Variants in SMAD2 observed in about 807,000 individuals in gnomAD.
The protein encoded by SMAD2 is SMAD family member 2.
Under a neutral mutation model 64.4 loss-of-function variants are expected in SMAD2, and 8 were observed. That is an observed-to-expected ratio of 0.12 (90% CI 0.07 to 0.22). The LOEUF (loss-of-function observed/expected upper bound fraction) is 0.22, where lower values mean the gene tolerates loss of function less well. Ranked by LOEUF, SMAD2 falls within the 10% of genes least tolerant of loss-of-function variation. The pLI, the probability that SMAD2 is intolerant of heterozygous loss-of-function variation, is 1.00. For synonymous variants in SMAD2, 203 were observed against 195.8 expected (o/e 1.04, Z -0.31); for missense variants, 289 against 561.2 (o/e 0.51, Z 4.90).
intron 1 of SMAD2, among the ~76,000 whole-genome samples, chr18:47,909,587 T>G (rs1463563956): frequency 6.6e-6 from 1 of 152,168 alleles, no homozygotes; most frequent in Non-Finnish European, 1.5e-5. Flanking sequence ...AACTCTACTG[T>G]TTTGTGCAAA....
intron 2 of SMAD2, among the ~76,000 whole-genome samples, chr18:47,890,366 T>C (rs1195284745): frequency 6.6e-6 from 1 of 152,214 alleles, no homozygotes; most frequent in African/African-American, 2.4e-5. Flanking sequence ...TAAACTAAAT[T>C]ATACATCATG....
intron 1 of SMAD2, among the ~76,000 whole-genome samples, chr18:47,921,801 G>A (rs1393947429): frequency 1.3e-5 from 2 of 152,078 alleles, no homozygotes; most frequent in Non-Finnish European, 2.9e-5. Flanking sequence ...TCTAGTACCT[G>A]GGCACTTTCT....
chr18:47,829,243 C>A lies in SMAD2; in HGVS notation c.*12584G>T, dbSNP rs1912894618. ...ATAGAATACAACAAAGCTCCCTTAC[C>A]CAATCCCAACAAACAACCATCAATG... On this transcript the variant is annotated 3_prime_UTR_variant, in exon 11 of 11. Coordinates refer to ENST00000262160, the MANE Select transcript of SMAD2 (RefSeq NM_005901.6). 6.6e-6 allele frequency: 1 copy of A among 152,132 alleles called. No homozygotes were observed. The highest frequency in any genetic ancestry group is 6.5e-5 in the Admixed American group (1 of 15,280). 9.4% of individuals were successfully genotyped at this position (152,132 alleles called of 1,614,324 possible). A position where few individuals can be genotyped will look rare whatever the true frequency, so the allele number is the denominator to read the frequency against.
At chr18:47,843,717 G>T (rs955895766) in intron 10 of SMAD2, among the ~76,000 whole-genome samples, 4 of 152,140 alleles carry the variant, frequency 2.6e-5, no homozygotes, top group Non-Finnish European at 4.4e-5. Context: ...ATTTTCCAAA[G>T]TCAGATGTAC....
At chr18:47,927,404 A>C (rs2034807884) in intron 1 of SMAD2, among the ~76,000 whole-genome samples, 1 of 152,202 alleles carries the variant, frequency 6.6e-6, no homozygotes, top group Non-Finnish European at 1.5e-5. Flanking sequence ...TCAGTAATGC[A>C]TGTGCCCTTG....
intron 2 of SMAD2, among the ~76,000 whole-genome samples, chr18:47,875,853 A>T (rs2032233558): frequency 6.6e-6 from 1 of 152,118 alleles, no homozygotes; most frequent in Admixed American, 6.6e-5. Flanking sequence ...CAAGTTATGT[A>T]AAAATAGTAT....
chr18:47,880,204 A>G (rs1036684256), intron 2 of SMAD2, among the ~76,000 whole-genome samples: 13 of 152,218 alleles, frequency 8.5e-5, no homozygotes, highest in Non-Finnish European at 1.8e-4. Context: ...ATATACTTTG[A>G]ACAATTCTCT....
At chr18:47,920,979 A>AC (rs1354547223) in intron 1 of SMAD2, among the ~76,000 whole-genome samples, 1 of 152,140 alleles carries the variant, frequency 6.6e-6, no homozygotes, top group African/African-American at 2.4e-5. Flanking sequence ...ACATGGCGAA[A>AC]CCCCACCTCT....
At chr18:47,907,385 A>C (rs2033947544) in intron 1 of SMAD2, among the ~76,000 whole-genome samples, 1 of 152,198 alleles carries the variant, frequency 6.6e-6, no homozygotes, top group South Asian at 2.1e-4. Context: ...AGTCTCAAAA[A>C]CATGCTGGGC....
At position 47,851,147 on chromosome 18, in the gene SMAD2, A is replaced by C. The variant is rs898673835; in HGVS notation, c.784+127T>G. 3 of 698,888 alleles carry C rather than the reference A, an allele frequency of 4.3e-6. No individual in the cohort carries two copies. The African/African-American group carries it at 5.4e-5, about 13-fold the overall frequency. 43.3% of individuals were successfully genotyped at this position (698,888 alleles called of 1,614,324 possible). ...AAAAAGCACTACTTTAACCACATAC[A>C]TAATTATTTGGCTATTCATTAGGAT... On this transcript the variant is annotated intron_variant, in intron 7 of 10. Transcript: ENST00000262160.
At chr18:47,919,388 G>A (rs1240459188) in intron 1 of SMAD2, among the ~76,000 whole-genome samples, 7 of 151,574 alleles carry the variant, frequency 4.6e-5, no homozygotes, top group Non-Finnish European at 8.8e-5. Context: ...GAACCCAGGA[G>A]TGCAAGGCTG....
Position 47,819,312 on chromosome 18 carries a change from G to GT in SMAD2, c.*22514dup, listed in dbSNP as rs1445446040. On this transcript the variant is annotated 3_prime_UTR_variant, in exon 11 of 11. Transcript: ENST00000262160. ...AAAACAGAATGATCTTTGTATAACT[G>GT]TAAGTTGAACTAATTTTGTATTATT... 6.6e-6 allele frequency: 1 copy of GT among 152,148 alleles called. No homozygotes were observed. The highest frequency in any genetic ancestry group is 1.5e-5 in the Non-Finnish European group (1 of 68,034). The allele number at this position is 152,148 out of a possible 1,614,324, so 9.4% of individuals were successfully genotyped here.
At position 47,811,483 on chromosome 18, in the gene SMAD2, A is replaced by G. The variant is rs1012876791; in HGVS notation, c.*30344T>C. 6.6e-6 allele frequency: 1 copy of G among 151,852 alleles called. No individual in the cohort carries two copies. The allele number at this position is 151,852 out of a possible 1,614,324, so 9.4% of individuals were successfully genotyped here. On this transcript the variant is annotated 3_prime_UTR_variant, in exon 11 of 11. Transcript: ENST00000262160. ...AGACCTCGTCTCAAAAAAAAAAAAA[A>G]AAAAAAGAAAAAGAAATAAGGTAAT...
rs1912477722 is a variant in SMAD2, at chr18:47,819,196, T to A, written c.*22631A>T. On this transcript the variant is annotated 3_prime_UTR_variant, in exon 11 of 11. Transcript: ENST00000262160. ...AAATAATTGGTAAATCAAAAATAAG[T>A]GTCTTTAAAATTTTTGCCTGAATTT... 6.6e-6 allele frequency: 1 copy of A among 152,202 alleles called. No individual in the cohort carries two copies. Among genetic ancestry groups the A allele is most frequent in the South Asian group, 2.1e-4 (1 of 4,830 alleles). The allele number at this position is 152,202 out of a possible 1,614,324, so 9.4% of individuals were successfully genotyped here. A position where few individuals can be genotyped will look rare whatever the true frequency, so the allele number is the denominator to read the frequency against.
At chr18:47,911,156 G>A (rs774373157) in intron 1 of SMAD2, among the ~76,000 whole-genome samples, 6 of 151,940 alleles carry the variant, frequency 3.9e-5, no homozygotes, top group Non-Finnish European at 8.8e-5. Flanking sequence ...TCGAGAACTA[G>A]CCTGACCAAC....
chr18:47,919,570 T>C (rs1159124555), intron 1 of SMAD2, among the ~76,000 whole-genome samples: 1 of 150,812 alleles, frequency 6.6e-6, no homozygotes, highest in African/African-American at 2.5e-5. Flanking sequence ...ATCCCTAATA[T>C]GCTAGTGAGG....
Position 47,822,028 on chromosome 18 carries a change from G to A in SMAD2, c.*19799C>T, listed in dbSNP as rs1018469598. On this transcript the variant is annotated 3_prime_UTR_variant, in exon 11 of 11. Transcript: ENST00000262160. The stretch of plus-strand genomic sequence containing the variant: ...CATGTGTATGCCATCTGGTAGAGAT[G>A]TTAGCTAATTAGGCTTCTTTGATGT... 1 of 152,164 alleles carries A rather than the reference G, an allele frequency of 6.6e-6. No homozygotes were observed. Among genetic ancestry groups the A allele is most frequent in the African/African-American group, 2.4e-5 (1 of 41,452 alleles). The allele number at this position is 152,164 out of a possible 1,614,324, so 9.4% of individuals were successfully genotyped here.
Position 47,829,019 on chromosome 18 carries a change from C to G in SMAD2, c.*12808G>C, listed in dbSNP as rs1448283409. ...GCTATTATGGGGTGGAGAAAAGTAT[C>G]ACAATTTTGGTAATACTAGGCAAGA... On this transcript the variant is annotated 3_prime_UTR_variant, in exon 11 of 11. Coordinates refer to ENST00000262160, the MANE Select transcript of SMAD2 (RefSeq NM_005901.6). 7.3e-6 allele frequency: 1 copy of G among 136,946 alleles called. No individual in the cohort carries two copies. The highest frequency in any genetic ancestry group is 1.5e-5 in the Non-Finnish European group (1 of 64,796). 8.5% of individuals were successfully genotyped at this position (136,946 alleles called of 1,614,324 possible).
chr18:47,908,833 C>T (rs918923828), intron 1 of SMAD2, among the ~76,000 whole-genome samples: 1 of 152,202 alleles, frequency 6.6e-6, no homozygotes, highest in Non-Finnish European at 1.5e-5. Flanking sequence ...AAAGTGATCT[C>T]TCACATTTCT....
Sources: allele counts gnomAD v4.1 joint callset (sites outside exome capture counted in the v4.1 genomes callset), GRCh38; gene constraint gnomAD v4.1.1; transcripts MANE v1.5; gene names NCBI Gene and HGNC (gene_info 2026-07-23, HGNC 2026-07-21).